Variants in CFAP44 observed in about 807,000 individuals in gnomAD.
The protein encoded by CFAP44 is cilia and flagella associated protein 44.
A neutral mutation model predicts 216.2 loss-of-function variants in CFAP44; 134 were observed. The observed-to-expected ratio is 0.62, with a 90% confidence interval of 0.54 to 0.72. The LOEUF is 0.72. Ranked by LOEUF, CFAP44 falls within the 30% of genes least tolerant of loss-of-function variation. The pLI is 0.00. For synonymous variants in CFAP44, 700 were observed against 727.6 expected (o/e 0.96, Z 0.61); for missense variants, 2,035 against 2,182.1 (o/e 0.93, Z 1.34).
intron 15 of CFAP44, among the ~76,000 whole-genome samples, chr3:113,385,486 A>G (rs1933623512): frequency 6.6e-6 from 1 of 152,160 alleles, no homozygotes; most frequent in Non-Finnish European, 1.5e-5. Context: ...AAAAAACTTC[A>G]TTGTATGTGG....
chr3:113,363,494 T>C lies in CFAP44; in HGVS notation c.2754A>G (p.Glu918=). 1 of 1,611,088 alleles carries C rather than the reference T, an allele frequency of 6.2e-7. No individual in the cohort carries two copies. The highest frequency in any genetic ancestry group is 2.2e-5 in the East Asian group (1 of 44,768). ...IETEPIPEDI[E]DPKAYSIENA... is the part of the protein sequence containing the mutation. ...TCCCATACCTGTAGGCTTTGGGATC[T>C]TCAATGTCTTCTGGAATTGGCTCTG... Residue 918 remains glutamate (E), a synonymous_variant, in exon 20 of 35, where the codon GAA becomes GAG. Coordinates refer to ENST00000393845, the MANE Select transcript of CFAP44 (RefSeq NM_001164496.2).
intron 21 of CFAP44, among the ~76,000 whole-genome samples, chr3:113,362,128 G>A (rs541046649): frequency 1.3e-4 from 19 of 151,976 alleles, no homozygotes; most frequent in African/African-American, 4.3e-4. Context: ...GAAGATCTTG[G>A]TTGAGGGAGA....
intron 28 of CFAP44, among the ~76,000 whole-genome samples, chr3:113,309,469 C>T (rs1171952788): frequency 6.6e-6 from 1 of 152,018 alleles, no homozygotes; most frequent in Admixed American, 6.6e-5. Context: ...ATAAAGTCTG[C>T]CTTATTGTTT....
intron 15 of CFAP44, among the ~76,000 whole-genome samples, chr3:113,388,401 G>A (rs576531399): frequency 1.3e-5 from 2 of 151,998 alleles, no homozygotes; most frequent in Admixed American, 6.6e-5. Flanking sequence ...ACATACAATG[G>A]ATATACAAGA....
intron 6 of CFAP44, among the ~76,000 whole-genome samples, chr3:113,412,838 G>C (rs1934526336): frequency 6.6e-6 from 1 of 152,118 alleles, no homozygotes; most frequent in South Asian, 2.1e-4. Context: ...AAACATACGT[G>C]TGCATGTCTC....
chr3:113,291,767 T>C lies in CFAP44; in HGVS notation c.5374-19A>G, dbSNP rs1280112842. The C allele has an allele frequency of 1.3e-6, 2 of 1,534,430 alleles. No individual in the cohort carries two copies. Among genetic ancestry groups the C allele is most frequent in the Non-Finnish European group, 1.7e-6 (2 of 1,146,202 alleles). The stretch of plus-strand genomic sequence containing the variant: ...CATTGCCCTGTTGAAAGAAAACAGC[T>C]CCCTGTTGAAGCATCATTTGGCATG... On this transcript the variant is annotated intron_variant, in intron 34 of 34. Transcript: ENST00000393845.
chr3:113,420,942 G>A (rs1207590839), intron 4 of CFAP44, among the ~76,000 whole-genome samples: 1 of 152,088 alleles, frequency 6.6e-6, no homozygotes, highest in African/African-American at 2.4e-5. Flanking sequence ...GTATATGTAT[G>A]TGTTTGTGTG....
chr3:113,334,055 G>C (rs1013580116), intron 24 of CFAP44, among the ~76,000 whole-genome samples: 2 of 151,614 alleles, frequency 1.3e-5, no homozygotes, highest in African/African-American at 4.9e-5. Context: ...AGGTTCAAGC[G>C]ATTCTCCTGC....
intron 17 of CFAP44, among the ~76,000 whole-genome samples, chr3:113,376,295 A>T (rs897061997): frequency 1.3e-5 from 2 of 152,208 alleles, no homozygotes; most frequent in Admixed American, 1.3e-4. Flanking sequence ...AATGTCTTGG[A>T]CAGGTTAATT....
intron 7 of CFAP44, 35 bp from the exon 8 acceptor site, chr3:113,407,076 G>A (rs1934305384): frequency 3.4e-6 from 5 of 1,481,972 alleles, no homozygotes; most frequent in Admixed American, 1.7e-5. Flanking sequence ...GTACCTCAAA[G>A]ATATTTTATT....
chr3:113,320,603 T>G (rs1246910890), intron 28 of CFAP44, among the ~76,000 whole-genome samples: 1 of 150,634 alleles, frequency 6.6e-6, no homozygotes, highest in Non-Finnish European at 1.5e-5. Flanking sequence ...TGTATATTAT[T>G]AAGTATTAAG....
intron 22 of CFAP44, among the ~76,000 whole-genome samples, chr3:113,357,249 T>A (rs186481979): frequency 1.1e-3 from 172 of 152,260 alleles, no homozygotes; most frequent in African/African-American, 3.9e-3. Flanking sequence ...CCCAAAAAGC[T>A]ATGTTGAGGC....
rs551083394 is a variant in CFAP44 at position 113,330,533 on chromosome 3, T to C, written c.3751A>G (p.Ile1251Val). 1.3e-6 allele frequency: 2 copies of C among 1,537,266 alleles called. No individual in the cohort carries two copies. The highest frequency in any genetic ancestry group is 2.4e-5 in the South Asian group (2 of 84,058). Reference sequence around the variant, plus strand: ...ATCTGAGGAATTTTGGGAATGGGTATGTGCTTGGATATGTGAAGAGTCGAC... The same window carrying C: ...ATCTGAGGAATTTTGGGAATGGGTACGTGCTTGGATATGTGAAGAGTCGAC... Reference protein sequence around the residue: ...IQSTLHISKHIPIPKIPQIHP... With the variant: ...IQSTLHISKHVPIPKIPQIHP... Residue 1251 changes from isoleucine to valine, a missense_variant, in exon 26 of 35, where the codon ATA becomes GTA. By Grantham distance (29) the Ile-to-Val change is conservative. Transcript: ENST00000393845.
At chr3:113,305,397 G>C (rs562582346) in intron 30 of CFAP44, among the ~76,000 whole-genome samples, 3 of 152,274 alleles carry the variant, frequency 2.0e-5, no homozygotes, top group Admixed American at 2.0e-4. Context: ...TTGTGAATAA[G>C]AGCCCAGAAG....
intron 22 of CFAP44, among the ~76,000 whole-genome samples, chr3:113,345,512 C>A (rs996001409): frequency 6.6e-6 from 1 of 152,184 alleles, no homozygotes; most frequent in Non-Finnish European, 1.5e-5. Flanking sequence ...CATTTCTACT[C>A]TTTGCCCCTC....
At chr3:113,328,117 T>C (rs545875415) in intron 26 of CFAP44, among the ~76,000 whole-genome samples, 112 of 152,066 alleles carry the variant, frequency 7.4e-4, no homozygotes, top group Non-Finnish European at 9.9e-4. Context: ...ATGAGCTCTC[T>C]GAGTGGGTAG....
intron 6 of CFAP44, among the ~76,000 whole-genome samples, chr3:113,411,521 C>T (rs1282984937): frequency 1.3e-5 from 2 of 152,160 alleles, no homozygotes; most frequent in Non-Finnish European, 2.9e-5. Flanking sequence ...GTTTTAGTAC[C>T]AGTACCATGC....
chr3:113,302,457 T>TAAAAAAAAAAACAAAA (rs1949944960), intron 32 of CFAP44, among the ~76,000 whole-genome samples: 1 of 75,810 alleles, frequency 1.3e-5, no homozygotes, highest in African/African-American at 4.3e-5. Context: ...CTAGACAAAG[T>TAAAAAAAAAAACAAAA]AAAAAAAAAA....
In CFAP44 at chr3:113,396,609, G is replaced by T; in HGVS notation, c.1688C>A (p.Ala563Asp). ...GAAAACCTGTTTCAACTGAATATCAGCATCCAAAATTTTCTTCCGTCCCGC... is the reference window on the plus strand; with the variant it reads ...GAAAACCTGTTTCAACTGAATATCATCATCCAAAATTTTCTTCCGTCCCGC... ...IFAGRKKILD[A>D]DIQLKQVFKP... is the part of the protein sequence containing the mutation. Residue 563 changes from alanine (A) to aspartate (D), a missense_variant, in exon 14 of 35, where the codon GCT (alanine) becomes GAT (aspartate). Ala to Asp is a moderately radical substitution (Grantham distance 126). This residue lies in a region of CFAP44 where 1,883 missense variants were observed against 2,023.7 expected (regional missense o/e 0.93). Coordinates refer to ENST00000393845, the MANE Select transcript of CFAP44 (RefSeq NM_001164496.2). The T allele has an allele frequency of 6.2e-7, 1 of 1,614,096 alleles. No individual in the cohort carries two copies. Among genetic ancestry groups the T allele is most frequent in the Non-Finnish European group, 8.5e-7 (1 of 1,180,010 alleles).
Sources: gnomAD v4.1 joint callset for allele counts (sites outside exome capture counted in the v4.1 genomes callset) on GRCh38, gnomAD v4.1.1 for gene constraint, gnomAD v4.1.1 regional missense constraint, MANE v1.5 for transcripts, NCBI Gene and HGNC (gene_info 2026-07-23, HGNC 2026-07-21) for gene names.